The following STARD3 variants were observed in gnomAD, a reference collection of about 807,000 sequenced individuals.
The protein encoded by STARD3 is StAR related lipid transfer domain containing 3, also known as stAR-related lipid transfer protein 3.
Under a neutral mutation model 62.0 loss-of-function variants are expected in STARD3, and 39 were observed. That is an observed-to-expected ratio of 0.63 (90% CI 0.49 to 0.82). The LOEUF (loss-of-function observed/expected upper bound fraction) is 0.82, where lower values mean the gene tolerates loss of function less well. STARD3 is among the 40% of genes least tolerant of loss of function. The pLI is 0.00. For synonymous variants in STARD3, 229 were observed against 242.4 expected (o/e 0.94, Z 0.51); for missense variants, 543 against 584.5 (o/e 0.93, Z 0.73).
In STARD3 at chr17:39,657,961, T is replaced by A; in HGVS notation, c.376-12T>A. ...CTCTGCCTTCCCCTTCCTCCCTCCC[T>A]CCCCTGGGCAGGTCACGACGCTGGT... On this transcript the variant is annotated splice_polypyrimidine_tract_variant and intron_variant, in intron 4 of 14. Transcript: ENST00000336308. 3 of 1,597,644 alleles carry A rather than the reference T, an allele frequency of 1.9e-6. No homozygotes were observed. Among genetic ancestry groups the A allele is most frequent in the Non-Finnish European group, 2.6e-6 (3 of 1,171,916 alleles).
chr17:39,659,854 C>G (rs984026226), intron 9 of STARD3: 5 of 488,848 alleles, frequency 1.0e-5, no homozygotes, highest in Non-Finnish European at 1.8e-5. Flanking sequence ...GTTTCATGAT[C>G]AAAACAACAT....
At chr17:39,649,810 G>A (rs2057059742) in intron 1 of STARD3, among the ~76,000 whole-genome samples, 1 of 146,630 alleles carries the variant, frequency 6.8e-6, no homozygotes, top group South Asian at 2.1e-4. Context: ...AGGTTGCAGT[G>A]AGCTGGGATC....
rs1324489328 is a variant in STARD3 at position 39,658,802 on chromosome 17, C to T, written c.628C>T (p.Pro210Ser). 6.2e-7 allele frequency: 1 copy of T among 1,613,996 alleles called. No individual in the cohort carries two copies. Among genetic ancestry groups the T allele is most frequent in the South Asian group, 1.1e-5 (1 of 91,076 alleles). The change falls in exon 7 of 15, where the codon CCC becomes TCC. Residue 210 changes from proline (P) to serine (S), a missense_variant. Transcript: ENST00000336308. Reference sequence around the variant, plus strand: ...TCTGTCCGAGGGACAGTTCTATTCACCCCCAGAATCCTTTGCAGGTGAGGG... The same window carrying T: ...TCTGTCCGAGGGACAGTTCTATTCATCCCCAGAATCCTTTGCAGGTGAGGG... ...GALSEGQFYS[P>S]PESFAGSDNE...
At chr17:39,650,307 A>G (rs988336775) in intron 1 of STARD3, among the ~76,000 whole-genome samples, 1 of 152,192 alleles carries the variant, frequency 6.6e-6, no homozygotes, top group Non-Finnish European at 1.5e-5. Flanking sequence ...GTTTGTGGCT[A>G]CAAGCTGAGT....
Position 39,663,403 on chromosome 17 carries a change from G to A in STARD3, c.*495G>A, listed in dbSNP as rs1467333706. ...TGGCCATGAATCTCTGCCTCTCCCA[G>A]GCTGTCCCCCTCCTCCCAGGGCCTC... On this transcript the variant is annotated 3_prime_UTR_variant, in exon 15 of 15. Coordinates refer to ENST00000336308, the MANE Select transcript of STARD3 (RefSeq NM_006804.4). The A allele has an allele frequency of 3.9e-6, 1 of 255,506 alleles. No individual in the cohort carries two copies. The highest frequency in any genetic ancestry group is 2.2e-5 in the African/African-American group (1 of 45,034). The allele number at this position is 255,506 out of a possible 1,614,324, so 15.8% of individuals were successfully genotyped here. A position where few individuals can be genotyped will look rare whatever the true frequency, so the allele number is the denominator to read the frequency against.
In STARD3 at chr17:39,659,114, C is replaced by T. The variant is rs1433142355; in HGVS notation, c.702+8C>T. 2 of 1,614,190 alleles carry T rather than the reference C, an allele frequency of 1.2e-6. No homozygotes were observed. The highest frequency in any genetic ancestry group is 1.7e-6 in the Non-Finnish European group (2 of 1,180,018). On this transcript the variant is annotated splice_region_variant and intron_variant, in intron 8 of 14. Transcript: ENST00000336308. ...AAAAGTTTCTCTGCTCAGGTATTTGCCTGCCTACCCCTAACCCCTGCCCTT... is the reference window on the plus strand; with the variant it reads ...AAAAGTTTCTCTGCTCAGGTATTTGTCTGCCTACCCCTAACCCCTGCCCTT...
intron 2 of STARD3, 151 bp from the exon 3 acceptor site, chr17:39,656,857 G>T: frequency 1.5e-6 from 1 of 678,394 alleles, no homozygotes; most frequent in South Asian, 1.8e-5. Flanking sequence ...AGATCCCTTG[G>T]TGCTTCCAGG....
At chr17:39,653,872 C>A in intron 2 of STARD3, 122 bp downstream of exon 2, 2 of 1,080,826 alleles carry the variant, frequency 1.9e-6, no homozygotes, top group Non-Finnish European at 2.7e-6. Context: ...AAAATGAAGA[C>A]TGGGAGGAAC....
At chr17:39,659,198 C>T (rs562764925) in intron 8 of STARD3, 92 bp downstream of exon 8, 2 of 1,516,860 alleles carry the variant, frequency 1.3e-6, no homozygotes, top group East Asian at 4.5e-5. Flanking sequence ...CAGGGGTTTC[C>T]CAGTAGAGGC....
At position 39,660,863 on chromosome 17, in the gene STARD3, G is replaced by T. The variant is rs756384154; in HGVS notation, c.1008G>T (p.Gly336=). The T allele has an allele frequency of 4.2e-5, 67 of 1,599,938 alleles. No homozygotes were observed. The highest frequency in any genetic ancestry group is 5.6e-5 in the Non-Finnish European group (65 of 1,171,124). The change falls in exon 12 of 15, where the codon GGG becomes GGT. Residue 336 remains glycine, a synonymous_variant. Transcript: ENST00000336308. The surrounding 1 kb of genome is among the most constrained non-coding windows in gnomAD (Gnocchi z 4.8). ...TCATCTCCTATGACGTGTCTGCAGGGGCTGCGGGCGGCGTGGTCTCCCCAA... is the reference window on the plus strand; with the variant it reads ...TCATCTCCTATGACGTGTCTGCAGGTGCTGCGGGCGGCGTGGTCTCCCCAA... ...NTLISYDVSA[G]AAGGVVSPRD... is the part of the protein sequence containing the mutation.
chr17:39,657,634 CA>C, intron 3 of STARD3, 140 bp from the exon 4 acceptor site: 1 of 818,964 alleles, frequency 1.2e-6, no homozygotes, highest in Middle Eastern at 3.2e-4. Context: ...GTCCCAGAGA[CA>C]TGCTGACTCA....
At chr17:39,654,299 G>A (rs1385716707) in intron 2 of STARD3, among the ~76,000 whole-genome samples, 1 of 152,212 alleles carries the variant, frequency 6.6e-6, no homozygotes, top group African/African-American at 2.4e-5. Flanking sequence ...CCGTTTGGGA[G>A]TCTGAGGTGG....
At chr17:39,644,606 C>T (rs1405392798) in intron 1 of STARD3, among the ~76,000 whole-genome samples, 1 of 138,588 alleles carries the variant, frequency 7.2e-6, no homozygotes, top group South Asian at 2.3e-4. Flanking sequence ...GAGGCCAAGG[C>T]GGGGAGATTG....
Position 39,661,063 on chromosome 17 carries a change from C to T in STARD3, c.1117C>T (p.Pro373Ser), listed in dbSNP as rs1597801154. Residue 373 changes from proline (P) to serine (S), a missense_variant, in exon 13 of 15, where the codon CCC becomes TCC. Transcript: ENST00000336308. ...GATCGCCACCTCACACAGTGCCAAG[C>T]CCCCGACGCACAAATATGTCCGGTG... Reference protein sequence around the residue: ...SGIATSHSAKPPTHKYVRGEN... With the variant: ...SGIATSHSAKSPTHKYVRGEN... 6.2e-7 allele frequency: 1 copy of T among 1,613,638 alleles called. No individual in the cohort carries two copies. Among genetic ancestry groups the T allele is most frequent in the African/African-American group, 1.3e-5 (1 of 75,050 alleles).
chr17:39,637,736 T>C (rs1426731350), intron 1 of STARD3, among the ~76,000 whole-genome samples: 1 of 152,206 alleles, frequency 6.6e-6, no homozygotes, highest in Non-Finnish European at 1.5e-5. Flanking sequence ...TTGACACTCA[T>C]TTCTAATGAC....
chr17:39,658,902 C>G (rs1390349896), intron 7 of STARD3, 82 bp downstream of exon 7: 8 of 1,570,376 alleles, frequency 5.1e-6, no homozygotes, highest in Non-Finnish European at 6.1e-6. Context: ...TCTTTCTATT[C>G]CTTCTATCAG....
chr17:39,657,147 C>T, intron 3 of STARD3, 62 bp downstream of exon 3: 7 of 1,512,306 alleles, frequency 4.6e-6, no homozygotes, highest in South Asian at 1.1e-5. Context: ...GAAATGACTT[C>T]TGCTGGGTTC....
chr17:39,649,263 A>G (rs556255031), intron 1 of STARD3, among the ~76,000 whole-genome samples: 1 of 152,216 alleles, frequency 6.6e-6, no homozygotes, highest in Non-Finnish European at 1.5e-5. Context: ...CCACATATGC[A>G]ATTTGACCCA....
At chr17:39,658,129 C>A (rs376485401) in intron 5 of STARD3, 103 bp downstream of exon 5, 2 of 1,301,282 alleles carry the variant, frequency 1.5e-6, no homozygotes, top group Non-Finnish European at 1.1e-6. Context: ...CCCTGTTGTC[C>A]GGGTTAGGGG....
Sources: gnomAD v4.1 joint callset for allele counts (sites outside exome capture counted in the v4.1 genomes callset) on GRCh38, gnomAD v4.1.1 for gene constraint, Gnocchi (gnomAD v3.1) non-coding constraint, MANE v1.5 for transcripts, NCBI Gene and HGNC (gene_info 2026-07-23, HGNC 2026-07-21) for gene names.